The following PCNX2 variants were observed in gnomAD, a reference collection of about 807,000 sequenced individuals.
The protein encoded by PCNX2 is pecanex-like protein 2.
A neutral mutation model predicts 223.8 loss-of-function variants in PCNX2; 168 were observed. The observed-to-expected ratio is 0.75, with a 90% confidence interval of 0.66 to 0.85. The LOEUF is 0.85. PCNX2 is among the 40% of genes least tolerant of loss of function. PCNX2 has a pLI of 0.00. For missense variants in PCNX2, 2,507 were observed against 2,675.5 expected (o/e 0.94, Z 1.39); for synonymous variants, 1,006 against 1,052.6 (o/e 0.96, Z 0.86).
intron 9 of PCNX2, among the ~76,000 whole-genome samples, chr1:233,228,661 T>TAATA (rs1215966050): frequency 6.6e-6 from 1 of 152,232 alleles, no homozygotes; most frequent in African/African-American, 2.4e-5. Context: ...TAAGGCTGAA[T>TAATA]AATACTCCTT....
chr1:233,249,339 C>A (rs770352796), intron 8 of PCNX2, among the ~76,000 whole-genome samples: 3 of 152,176 alleles, frequency 2.0e-5, no homozygotes. Flanking sequence ...AAAACTTCAA[C>A]TTTTAGCTGG....
At chr1:233,235,965 T>A (rs187514973) in intron 9 of PCNX2, among the ~76,000 whole-genome samples, 9,842 of 138,056 alleles carry the variant, frequency 0.071, 1,184 homozygotes, top group African/African-American at 0.24. Context: ...AAAATATATA[T>A]ATATATATAT....
At chr1:233,064,327 G>A (rs1558197364) in intron 23 of PCNX2, among the ~76,000 whole-genome samples, 1 of 152,172 alleles carries the variant, frequency 6.6e-6, no homozygotes, top group Non-Finnish European at 1.5e-5. Context: ...AATATGGGTA[G>A]TATCGTTTTG....
chr1:233,320,479 T>C, the PCNX2 span, among the ~76,000 whole-genome samples: 2 of 152,174 alleles, frequency 1.3e-5, no homozygotes, highest in African/African-American at 4.8e-5. Context: ...CTACTGTTTT[T>C]ATACTTGTTC....
At chr1:233,095,960 G>C in intron 21 of PCNX2, 97 bp from the exon 22 acceptor site, 1 of 855,230 alleles carries the variant, frequency 1.2e-6, no homozygotes, top group Non-Finnish European at 1.8e-6. Flanking sequence ...GGTTAGGAAG[G>C]GGCAGTGAAA....
intron 21 of PCNX2, among the ~76,000 whole-genome samples, chr1:233,125,681 C>A (rs568545631): frequency 6.6e-6 from 1 of 152,180 alleles, no homozygotes; most frequent in Admixed American, 6.5e-5. Flanking sequence ...ACTTCTCCCC[C>A]ACCCGAAGAC....
chr1:233,323,901 G>T, the PCNX2 span, among the ~76,000 whole-genome samples: 1 of 152,208 alleles, frequency 6.6e-6, no homozygotes, highest in African/African-American at 2.4e-5. Flanking sequence ...CACGTGAAAA[G>T]CCAAGATAGG....
chr1:233,050,501 G>C (rs1671966145), intron 25 of PCNX2, among the ~76,000 whole-genome samples: 1 of 152,160 alleles, frequency 6.6e-6, no homozygotes, highest in Non-Finnish European at 1.5e-5. Context: ...CAATGGAACA[G>C]AATAGCAAAC....
chr1:233,319,642 C>G, the PCNX2 span, among the ~76,000 whole-genome samples: 1 of 152,172 alleles, frequency 6.6e-6, no homozygotes. Flanking sequence ...AACAAAGGGT[C>G]TTATGCCCTC....
chr1:233,246,837 T>G (rs1240986902), intron 8 of PCNX2, among the ~76,000 whole-genome samples: 1 of 152,222 alleles, frequency 6.6e-6, no homozygotes, highest in Non-Finnish European at 1.5e-5. Context: ...TGCACTAGTA[T>G]GTTAATTCAG....
intron 25 of PCNX2, among the ~76,000 whole-genome samples, chr1:233,040,735 T>A (rs1447353612): frequency 6.6e-6 from 1 of 152,144 alleles, no homozygotes. Context: ...TACATAGAGA[T>A]GCTCTTTCCA....
chr1:233,004,432 A>T (rs1670205966), intron 28 of PCNX2, among the ~76,000 whole-genome samples: 1 of 150,964 alleles, frequency 6.6e-6, no homozygotes, highest in South Asian at 2.1e-4. Context: ...CTCATCCTAC[A>T]TTCCTAGGAG....
intron 8 of PCNX2, among the ~76,000 whole-genome samples, chr1:233,240,013 G>A (rs1327781501): frequency 2.6e-5 from 4 of 152,186 alleles, no homozygotes; most frequent in African/African-American, 9.7e-5. Context: ...TGAGCTTAAT[G>A]ACTGGTATAT....
intron 25 of PCNX2, among the ~76,000 whole-genome samples, chr1:233,041,831 T>C (rs1423794444): frequency 6.6e-6 from 1 of 152,228 alleles, no homozygotes; most frequent in Non-Finnish European, 1.5e-5. Flanking sequence ...CAGTAGCACA[T>C]AAATTCAGAG....
At position 233,200,279 on chromosome 1, in the gene PCNX2, A is replaced by T; in HGVS notation, c.2864-15T>A. The T allele has an allele frequency of 6.6e-7, 1 of 1,521,860 alleles. No individual in the cohort carries two copies. The highest frequency in any genetic ancestry group is 8.9e-7 in the Non-Finnish European group (1 of 1,119,992). 94.3% of individuals were successfully genotyped at this position (1,521,860 alleles called of 1,614,324 possible). On this transcript the variant is annotated splice_polypyrimidine_tract_variant and intron_variant, in intron 13 of 33. Transcript: ENST00000258229. ...ATATAAAAATACTGAAAATGAACAA[A>T]CAAAATTGACGATAAGCATGGGGAA...
chr1:233,012,296 C>T (rs960303860), intron 28 of PCNX2, among the ~76,000 whole-genome samples: 2 of 152,066 alleles, frequency 1.3e-5, no homozygotes, highest in Admixed American at 1.3e-4. Context: ...GGTTGAAGAG[C>T]GGTGGGGCCC....
At chr1:233,178,126 C>T (rs912185406) in intron 16 of PCNX2, among the ~76,000 whole-genome samples, 1 of 152,178 alleles carries the variant, frequency 6.6e-6, no homozygotes, top group African/African-American at 2.4e-5. Flanking sequence ...AGTATCATTG[C>T]CCTCTATTGT....
intron 15 of PCNX2, among the ~76,000 whole-genome samples, chr1:233,195,013 T>A (rs1293383627): frequency 8.4e-6 from 1 of 119,140 alleles, no homozygotes; most frequent in Non-Finnish European, 1.6e-5. Flanking sequence ...TGAGATTCCA[T>A]CTCAAAAAAA....
chr1:233,187,874 A>G (rs970710995), intron 15 of PCNX2, among the ~76,000 whole-genome samples: 1 of 152,232 alleles, frequency 6.6e-6, no homozygotes, highest in African/African-American at 2.4e-5. Flanking sequence ...AAATGATACA[A>G]TTCTAGCCAT....
Sources: gnomAD v4.1 joint callset for allele counts (sites outside exome capture counted in the v4.1 genomes callset) on GRCh38, gnomAD v4.1.1 for gene constraint, MANE v1.5 for transcripts, NCBI Gene and HGNC (gene_info 2026-07-23, HGNC 2026-07-21) for gene names.